Variants in PLCD3 observed in about 807,000 individuals in gnomAD.
PLCD3 encodes the protein phospholipase C delta 3, also known as 1-phosphatidylinositol 4,5-bisphosphate phosphodiesterase delta-3.
A neutral mutation model predicts 82.8 loss-of-function variants in PLCD3; 62 were observed. The ratio of observed to expected loss-of-function variants is 0.75; its 90% CI spans 0.61 to 0.93. The LOEUF (loss-of-function observed/expected upper bound fraction) is 0.93, where lower values mean the gene tolerates loss of function less well. Ranked by LOEUF, PLCD3 falls within the 40% of genes least tolerant of loss-of-function variation. The pLI is 0.00. For missense variants in PLCD3, 1,023 were observed against 1,103.4 expected (o/e 0.93, Z 1.03); for synonymous variants, 478 against 471.8 (o/e 1.01, Z -0.17).
intron 1 of PLCD3, among the ~76,000 whole-genome samples, chr17:45,129,893 G>A (rs1441827528): frequency 6.6e-6 from 1 of 152,192 alleles, no homozygotes; most frequent in Non-Finnish European, 1.5e-5. Context: ...GCCCCTCTAA[G>A]CCACTCCCTG....
chr17:45,115,142 C>T lies in PLCD3; in HGVS notation c.1663G>A (p.Val555Ile), dbSNP rs369950438. Residue 555 changes from valine (V) to isoleucine (I), a missense_variant, in exon 10 of 15, where the codon GTC (valine) becomes ATC (isoleucine). Transcript: ENST00000619929. ...GCTTTGCGCTCGCTGAGGGAGCTGA[C>T]CTGGCAGGGTTGTGGGGCGTTGGGG... Reference protein sequence around the residue: ...PAPNAPQPCQVSSLSERKAKK... With the variant: ...PAPNAPQPCQISSLSERKAKK... 48 of 1,601,446 alleles carry T rather than the reference C, an allele frequency of 3.0e-5. No individual in the cohort carries two copies. The African/African-American group carries it at 6.0e-4, about 20-fold the overall frequency.
At chr17:45,113,284 G>GGCCCAC in intron 12 of PLCD3, 27 bp from the exon 13 acceptor site, 2 of 1,584,162 alleles carry the variant, frequency 1.3e-6, no homozygotes, top group South Asian at 2.3e-5. Flanking sequence ...GAGTGGCTGG[G>GGCCCAC]GCCCACGCCC....
chr17:45,131,025 G>A (rs1368162701), intron 1 of PLCD3, among the ~76,000 whole-genome samples: 5 of 152,162 alleles, frequency 3.3e-5, no homozygotes, highest in Admixed American at 1.3e-4. Context: ...CATACCATAG[G>A]CACTCCACAA....
At position 45,111,650 on chromosome 17, in the gene PLCD3, G is replaced by A. The variant is rs2054242971; in HGVS notation, c.*966C>T. 6.6e-6 allele frequency: 1 copy of A among 152,152 alleles called. No individual in the cohort carries two copies. 9.4% of individuals were successfully genotyped at this position (152,152 alleles called of 1,614,324 possible). A position where few individuals can be genotyped will look rare whatever the true frequency, so the allele number is the denominator to read the frequency against. On this transcript the variant is annotated 3_prime_UTR_variant, in exon 15 of 15. Coordinates refer to ENST00000619929, the MANE Select transcript of PLCD3 (RefSeq NM_133373.5). Reference sequence around the variant, plus strand: ...GAGGTGCTCAGGGAGTGGCGGTGGTGAAATCAACGTGCTTCTTTATTTTTT... The same window carrying A: ...GAGGTGCTCAGGGAGTGGCGGTGGTAAAATCAACGTGCTTCTTTATTTTTT...
chr17:45,121,493 A>AGGAT, intron 1 of PLCD3, 121 bp from the exon 2 acceptor site: 1 of 1,204,536 alleles, frequency 8.3e-7, no homozygotes, highest in Non-Finnish European at 1.1e-6. Flanking sequence ...TTCATCCCAC[A>AGGAT]GTAAGCTTCC....
Position 45,118,862 on chromosome 17 carries a change from A to C in PLCD3, c.866T>G (p.Leu289Arg). 6.2e-7 allele frequency: 1 copy of C among 1,611,860 alleles called. No homozygotes were observed. Among genetic ancestry groups the C allele is most frequent in the South Asian group, 1.1e-5 (1 of 91,054 alleles). Reference protein sequence around the residue: ...LEDQGEEGATLARAQQLIQTY... With the variant: ...LEDQGEEGATRARAQQLIQTY... ...CTGAATGAGCTGCTGGGCGCGGGCCAGTGTGGCGCCCTCCTCGCCCTGGTC... is the reference window on the plus strand; with the variant it reads ...CTGAATGAGCTGCTGGGCGCGGGCCCGTGTGGCGCCCTCCTCGCCCTGGTC... Residue 289 changes from leucine to arginine, a missense_variant, in exon 5 of 15, where the codon CTG (leucine) becomes CGG (arginine). Physicochemically the swap from Leu to Arg is moderately radical, Grantham distance 102. Coordinates refer to ENST00000619929, the MANE Select transcript of PLCD3 (RefSeq NM_133373.5). The surrounding 1 kb of genome is among the most constrained non-coding windows in gnomAD (Gnocchi z 4.1).
rs924526881 is a variant in PLCD3, at chr17:45,111,221, T to C, written c.*1395A>G. ...CGTTTCCAGCCTTTGTGTAAAAGGC[T>C]GGCTGGCTGGAGGAAGGGAAGCCCG... On this transcript the variant is annotated 3_prime_UTR_variant, in exon 15 of 15. Transcript: ENST00000619929. The C allele has an allele frequency of 6.6e-6, 1 of 152,208 alleles. No homozygotes were observed. The highest frequency in any genetic ancestry group is 1.5e-5 in the Non-Finnish European group (1 of 68,050). The allele number at this position is 152,208 out of a possible 1,614,324, so 9.4% of individuals were successfully genotyped here.
intron 11 of PLCD3, 41 bp from the exon 12 acceptor site, chr17:45,113,646 C>T (rs2054267540): frequency 6.5e-7 from 1 of 1,545,020 alleles, no homozygotes; most frequent in Non-Finnish European, 8.7e-7. Context: ...TCTTAGCGGC[C>T]CTGTTCTCAC....
Position 45,113,009 on chromosome 17 carries a change from A to G in PLCD3, c.2135T>C (p.Phe712Ser), listed in dbSNP as rs771938061. 3.7e-6 allele frequency: 6 copies of G among 1,605,166 alleles called. No individual in the cohort carries two copies. The highest frequency in any genetic ancestry group is 3.4e-5 in the Admixed American group (2 of 59,402). The change falls in exon 14 of 15, where the codon TTC becomes TCC. Residue 712 changes from phenylalanine to serine, a missense_variant. Around this residue, in one of 3 missense-constraint regions of PLCD3, gnomAD observed 553 missense variants for 655.7 expected, o/e 0.84. Transcript: ENST00000619929. ...QETDYVLNNG[F>S]NPRWGQTLQF... is the part of the protein sequence containing the mutation. ...CAGGGTCTGCCCCCAGCGGGGGTTG[A>G]AGCCTAGGGCACAGGGATGGCAGTC...
Position 45,118,874 on chromosome 17 carries a change from T to C in PLCD3, c.854A>G (p.Glu285Gly). The change falls in exon 5 of 15, where the codon GAG (glutamate) becomes GGG (glycine). Residue 285 changes from glutamate (E) to glycine (G), a missense_variant. Physicochemically the swap from Glu to Gly is moderately conservative, Grantham distance 98. Coordinates refer to ENST00000619929, the MANE Select transcript of PLCD3 (RefSeq NM_133373.5). The surrounding 1 kb of genome is among the most constrained non-coding windows in gnomAD (Gnocchi z 4.1). ...CTGGGCGCGGGCCAGTGTGGCGCCC[T>C]CCTCGCCCTGGTCCTCCAGGAACTC... is the stretch of plus-strand genomic sequence containing the variant. ...LLEFLEDQGE[E>G]GATLARAQQL... 1.2e-6 allele frequency: 2 copies of C among 1,612,174 alleles called. No homozygotes were observed. Among genetic ancestry groups the C allele is most frequent in the Non-Finnish European group, 1.7e-6 (2 of 1,179,830 alleles).
At position 45,113,370 on chromosome 17, in the gene PLCD3, C is replaced by T. The variant is rs2054264321; in HGVS notation, c.1995+69G>A. 4 of 1,554,874 alleles carry T rather than the reference C, an allele frequency of 2.6e-6. No individual in the cohort carries two copies. In the Admixed American group the frequency reaches 5.8e-5, roughly 23 times the overall value. Reference sequence around the variant, plus strand: ...AATGTCCCCAGCCTCCCTTGCCTTCCTCCACCTCACAAAGAGCCTTTCTAG... The same window carrying T: ...AATGTCCCCAGCCTCCCTTGCCTTCTTCCACCTCACAAAGAGCCTTTCTAG... On this transcript the variant is annotated intron_variant, in intron 12 of 14. Coordinates refer to ENST00000619929, the MANE Select transcript of PLCD3 (RefSeq NM_133373.5).
In PLCD3 at chr17:45,132,504, C is replaced by G. The variant is rs2054479101; in HGVS notation, c.-94G>C. On this transcript the variant is annotated 5_prime_UTR_variant, in exon 1 of 15. Coordinates refer to ENST00000619929, the MANE Select transcript of PLCD3 (RefSeq NM_133373.5). This position sits in a 1 kb window ranked among gnomAD's most constrained non-coding sequence, Gnocchi z 4.6. The stretch of plus-strand genomic sequence containing the variant: ...GGCCCGGCCCCGGCTCTGAGCGAGG[C>G]GGCGAGCGAAGAAACTTAGCGGCGC... The G allele has an allele frequency of 1.1e-5, 8 of 704,866 alleles. No homozygotes were observed. The highest frequency in any genetic ancestry group is 1.8e-6 in the Non-Finnish European group (1 of 564,226). The allele number at this position is 704,866 out of a possible 1,614,324, so 43.7% of individuals were successfully genotyped here.
rs370746628 is a variant in PLCD3, at chr17:45,130,854, C to T, written c.163+1394G>A. ...CACCCCCAGCCTCTCCCCTTTGCCA[C>T]TCCCGTCTTCCTCAGCTGGGGCCAG... is the stretch of plus-strand genomic sequence containing the variant. On this transcript the variant is annotated intron_variant, in intron 1 of 14. Transcript: ENST00000619929. 4.1e-3 allele frequency among the ~76,000 whole-genome samples: 627 copies of T among 152,116 alleles called. 1 individual carries two copies. Among genetic ancestry groups the T allele is most frequent in the African/African-American group, 0.014 (565 of 41,490 alleles).
At position 45,120,445 on chromosome 17, in the gene PLCD3, G is replaced by A. The variant is rs777666518; in HGVS notation, c.564C>T (p.His188=). The A allele has an allele frequency of 6.2e-7, 1 of 1,613,980 alleles. No homozygotes were observed. The highest frequency in any genetic ancestry group is 8.5e-7 in the Non-Finnish European group (1 of 1,179,866). Reference sequence around the variant, plus strand: ...TGGAGTCAGCCCGGTGCAGATAGGAGTGGATCCAGGTGTGGGTGCTCAGGA... The same window carrying A: ...TGGAGTCAGCCCGGTGCAGATAGGAATGGATCCAGGTGTGGGTGCTCAGGA... ...SQRERLDHWI[H]SYLHRADSNQ... is the part of the protein sequence containing the mutation. The change falls in exon 4 of 15, where the codon CAC becomes CAT. Residue 188 remains histidine, a synonymous_variant. Coordinates refer to ENST00000619929, the MANE Select transcript of PLCD3 (RefSeq NM_133373.5).
intron 1 of PLCD3, among the ~76,000 whole-genome samples, chr17:45,126,359 T>A (rs1424211410): frequency 7.0e-6 from 1 of 142,704 alleles, no homozygotes; most frequent in Non-Finnish European, 1.5e-5. Context: ...TTTTTTTTTT[T>A]TTTTTTTTTT....
In PLCD3 at chr17:45,121,391, C is replaced by T. The variant is rs1424627601; in HGVS notation, c.164-19G>A. ...GTCAGGCCTGGCGGGGCGGGAGGAC[C>T]CGGGGCGTCAGGCCGTACCTGCCCA... On this transcript the variant is annotated intron_variant, in intron 1 of 14. Transcript: ENST00000619929. 60 of 1,488,676 alleles carry T rather than the reference C, an allele frequency of 4.0e-5. No homozygotes were observed. The highest frequency in any genetic ancestry group is 5.2e-5 in the Non-Finnish European group (59 of 1,125,284). 92.2% of individuals were successfully genotyped at this position (1,488,676 alleles called of 1,614,324 possible). A position where few individuals can be genotyped will look rare whatever the true frequency, so the allele number is the denominator to read the frequency against.
rs1266381951 is a variant in PLCD3, at chr17:45,118,396, TGGAACACACAC to T, written c.999_1009del (p.Cys334GlyfsTer21). On this transcript the variant is annotated frameshift_variant, in exon 6 of 15. Transcript: ENST00000619929. LOFTEE classifies it high-confidence loss of function. The surrounding 1 kb of genome is among the most constrained non-coding windows in gnomAD (Gnocchi z 4.1). ...GTGGGCAAGGGGCTGGTTCATGTCC[TGGAACACACAC>T]GTGTGGGTGTTGTCCAAGGCAGCCC... The T allele has an allele frequency of 6.2e-7, 1 of 1,614,022 alleles. No individual in the cohort carries two copies. The highest frequency in any genetic ancestry group is 8.5e-7 in the Non-Finnish European group (1 of 1,179,882).
Position 45,110,637 on chromosome 17 carries a change from CAGG to C in PLCD3, c.*1976_*1978del. The C allele has an allele frequency of 6.6e-6, 1 of 152,292 alleles. No homozygotes were observed. Among genetic ancestry groups the C allele is most frequent in the Admixed American group, 6.5e-5 (1 of 15,304 alleles). 9.4% of individuals were successfully genotyped at this position (152,292 alleles called of 1,614,324 possible). A position where few individuals can be genotyped will look rare whatever the true frequency, so the allele number is the denominator to read the frequency against. On this transcript the variant is annotated 3_prime_UTR_variant, in exon 15 of 15. Transcript: ENST00000619929. ...CAGCCCCTGGCCAGACCTGGCTCTG[CAGG>C]GGCTGGGCAATGCTAATGGCTCTTC...
intron 8 of PLCD3, 142 bp downstream of exon 8, chr17:45,116,490 C>T (rs1045713764): frequency 1.1e-5 from 10 of 902,806 alleles, no homozygotes; most frequent in African/African-American, 1.7e-5. Flanking sequence ...GGATGGCAGA[C>T]CTCAGATGAA....
Sources: gnomAD v4.1 joint callset for allele counts (sites outside exome capture counted in the v4.1 genomes callset) on GRCh38, gnomAD v4.1.1 for gene constraint, gnomAD v4.1.1 regional missense constraint, Gnocchi (gnomAD v3.1) non-coding constraint, MANE v1.5 for transcripts, NCBI Gene and HGNC (gene_info 2026-07-23, HGNC 2026-07-21) for gene names.